The following MYOM1 variants were observed in gnomAD, a reference collection of about 807,000 sequenced individuals.
The protein encoded by MYOM1 is myomesin 1, also known as myomesin-1.
In MYOM1, 164 loss-of-function variants were observed where a neutral mutation model predicts 205.3. The observed-to-expected ratio is 0.80, with a 90% CI of 0.70 to 0.91. MYOM1 has a LOEUF of 0.91. Ranked by LOEUF, MYOM1 falls within the 40% of genes least tolerant of loss-of-function variation. The probability of loss-of-function intolerance (pLI) is 0.00; values close to 1 mark genes in which losing one functional copy is unlikely to be tolerated. For missense variants in MYOM1, 2,011 were observed against 2,127.3 expected, an observed-to-expected ratio of 0.95 and a Z score of 1.08; for synonymous variants, 772 against 789.4, an observed-to-expected ratio of 0.98 and a Z score of 0.37.
Position 3,214,988 on chromosome 18 carries a change from C to A in MYOM1, c.236G>T (p.Ser79Ile). ...GGCTGCCTTCCGACTGACTTCAGAG[C>A]TCAGGGCGTGCTGCGAGGCCTGCTG... is the stretch of plus-strand genomic sequence containing the variant. The part of the protein sequence containing the change: ...SQQQASQHAL[S>I]SEVSRKAASA... The change falls in exon 2 of 38, where the codon AGC (serine) becomes ATC (isoleucine). Residue 79 changes from serine to isoleucine, a missense_variant. Transcript: ENST00000356443. The A allele has an allele frequency of 1.2e-6, 2 of 1,611,366 alleles. No homozygotes were observed. Among genetic ancestry groups the A allele is most frequent in the Non-Finnish European group, 1.7e-6 (2 of 1,178,600 alleles).
At chr18:3,107,714 G>A (rs8088131) in intron 22 of MYOM1, among the ~76,000 whole-genome samples, 28,912 of 152,094 alleles carry the variant, frequency 0.19, 2,866 homozygotes, top group East Asian at 0.2. Context: ...CAATGAAACC[G>A]CCTTTGCAAA....
chr18:3,099,845 G>A (rs1007557124), intron 25 of MYOM1, among the ~76,000 whole-genome samples: 4 of 152,168 alleles, frequency 2.6e-5, no homozygotes, highest in African/African-American at 9.7e-5. Context: ...AAATATATAT[G>A]TGATTCCAAC....
intron 34 of MYOM1, among the ~76,000 whole-genome samples, chr18:3,078,750 A>T (rs893401579): frequency 1.3e-5 from 2 of 152,138 alleles, no homozygotes; most frequent in Non-Finnish European, 2.9e-5. Context: ...TTTTGTAAGA[A>T]AGAATAAGAT....
In MYOM1 at chr18:3,126,751, C is replaced by G; in HGVS notation, c.2941G>C (p.Gly981Arg). 1 of 1,613,884 alleles carries G rather than the reference C, an allele frequency of 6.2e-7. No homozygotes were observed. Among genetic ancestry groups the G allele is most frequent in the African/African-American group, 1.3e-5 (1 of 75,024 alleles). ...TTGACATTGGCTTCTCTCCATTTTC[C>G]TGGTACCCCATCAATGACCTCGCGA... ...NYREVIDGVPGKWREANVKAV... is the reference protein window; with the variant it reads ...NYREVIDGVPRKWREANVKAV... The change falls in exon 19 of 38, where the codon GGA becomes CGA. Residue 981 changes from glycine (G) to arginine (R), a missense_variant. Coordinates refer to ENST00000356443, the MANE Select transcript of MYOM1 (RefSeq NM_003803.4).
intron 2 of MYOM1, among the ~76,000 whole-genome samples, chr18:3,212,060 C>T (rs781622383): frequency 8.5e-5 from 13 of 152,276 alleles, no homozygotes; most frequent in African/African-American, 4.8e-5. Context: ...ATATTATCTG[C>T]ACCTGTGTTC....
At chr18:3,113,864 A>C (rs2079565017) in intron 21 of MYOM1, among the ~76,000 whole-genome samples, 1 of 152,220 alleles carries the variant, frequency 6.6e-6, no homozygotes, top group Non-Finnish European at 1.5e-5. Context: ...TTATTCAATT[A>C]TGTGAAGTGT....
At chr18:3,075,268 G>C (rs1287992006) in intron 36 of MYOM1, among the ~76,000 whole-genome samples, 186 bp downstream of exon 36, 1 of 152,104 alleles carries the variant, frequency 6.6e-6, no homozygotes, top group Non-Finnish European at 1.5e-5. Flanking sequence ...TGTAACCTGA[G>C]ACCTTCTTTT....
intron 21 of MYOM1, among the ~76,000 whole-genome samples, chr18:3,113,503 C>A (rs1183650177): frequency 1.2e-4 from 4 of 32,400 alleles, no homozygotes; most frequent in Non-Finnish European, 2.9e-4. Flanking sequence ...TACCTAAAAA[C>A]AATTTTTTTT....
chr18:3,182,045 AT>A (rs1455077857), intron 5 of MYOM1, among the ~76,000 whole-genome samples: 1 of 152,098 alleles, frequency 6.6e-6, no homozygotes, highest in African/African-American at 2.4e-5. Flanking sequence ...AAACTGAAGA[AT>A]TTTAAACATG....
intron 2 of MYOM1, among the ~76,000 whole-genome samples, chr18:3,194,733 C>T (rs1272866569): frequency 2.0e-5 from 3 of 151,930 alleles, no homozygotes; most frequent in African/African-American, 7.3e-5. Flanking sequence ...CATTTTCATA[C>T]AAACATAAAC....
intron 5 of MYOM1, among the ~76,000 whole-genome samples, chr18:3,182,738 A>G (rs1426630359): frequency 4.6e-5 from 7 of 152,132 alleles, no homozygotes; most frequent in Non-Finnish European, 8.8e-5. Flanking sequence ...CCCTTTAAAC[A>G]GAAAGACTCT....
intron 2 of MYOM1, among the ~76,000 whole-genome samples, chr18:3,214,375 T>G (rs8092720): frequency 0.71 from 108,577 of 152,034 alleles, 39,108 homozygotes; most frequent in Middle Eastern, 0.83. Flanking sequence ...AAATAGCAAA[T>G]TGGCAACACA....
At chr18:3,146,126 C>T (rs561170209) in intron 13 of MYOM1, among the ~76,000 whole-genome samples, 181 of 151,918 alleles carry the variant, frequency 1.2e-3, no homozygotes, top group African/African-American at 4.1e-3. Context: ...ACAAAACAAA[C>T]AAACCAAAAA....
At chr18:3,187,859 T>C (rs999549366) in intron 4 of MYOM1, among the ~76,000 whole-genome samples, 26 of 136,238 alleles carry the variant, frequency 1.9e-4, no homozygotes, top group African/African-American at 7.6e-4. Flanking sequence ...TTCTTTTTCT[T>C]TTTTTTTTTT....
At chr18:3,235,174 T>A in the MYOM1 span, among the ~76,000 whole-genome samples, 3 of 152,220 alleles carry the variant, frequency 2.0e-5, no homozygotes, top group African/African-American at 7.2e-5. Flanking sequence ...TGACAGCACT[T>A]CTACATTTTT....
chr18:3,126,588 C>T, intron 19 of MYOM1, 113 bp downstream of exon 19: 2 of 922,570 alleles, frequency 2.2e-6, no homozygotes, highest in Non-Finnish European at 3.2e-6. Context: ...AGACAATGGA[C>T]TCTGGAGAAA....
chr18:3,071,738 G>A, intron 37 of MYOM1, 96 bp downstream of exon 37: 1 of 1,152,382 alleles, frequency 8.7e-7, no homozygotes, highest in Non-Finnish European at 1.3e-6. Context: ...AAGGTGGTGG[G>A]CTGTTAAGTG....
intron 20 of MYOM1, among the ~76,000 whole-genome samples, chr18:3,117,698 C>A (rs1218539978): frequency 6.6e-6 from 1 of 151,758 alleles, no homozygotes; most frequent in Non-Finnish European, 1.5e-5. Context: ...TCTAGCCAAC[C>A]AATCAAAATC....
intron 22 of MYOM1, among the ~76,000 whole-genome samples, 172 bp downstream of exon 22, chr18:3,112,126 G>A (rs951843041): frequency 6.6e-6 from 1 of 152,152 alleles, no homozygotes; most frequent in Admixed American, 6.5e-5. Flanking sequence ...CTGTCCTGAG[G>A]TGCCTGTGAT....
Sources: gnomAD v4.1 joint callset for allele counts (sites outside exome capture counted in the v4.1 genomes callset) on GRCh38, gnomAD v4.1.1 for gene constraint, MANE v1.5 for transcripts, NCBI Gene and HGNC (gene_info 2026-07-23, HGNC 2026-07-21) for gene names.